TFEB: variants seen among roughly 807,000 people sequenced by gnomAD.
TFEB encodes T-cell transcription factor EB.
In TFEB, 12 loss-of-function variants were observed where a neutral mutation model predicts 48.0. That is an observed-to-expected ratio of 0.25 (90% CI 0.16 to 0.40). The LOEUF (loss-of-function observed/expected upper bound fraction) is 0.40. Among genes scored for constraint, TFEB ranks in the 10% least tolerant of loss-of-function variants. TFEB has a pLI of 1.00. For missense variants in TFEB, 509 were observed against 640.3 expected, an observed-to-expected ratio of 0.79 and a Z score of 2.21; for synonymous variants, 244 against 261.4, an observed-to-expected ratio of 0.93 and a Z score of 0.64.
At chr6:41,701,886 A>G (rs998652110) in intron 1 of TFEB, among the ~76,000 whole-genome samples, 1 of 151,452 alleles carries the variant, frequency 6.6e-6, no homozygotes, top group South Asian at 2.1e-4. Flanking sequence ...CAGAGGTTGT[A>G]ATGAGCTGAG....
intron 4 of TFEB, among the ~76,000 whole-genome samples, chr6:41,688,994 C>T (rs541647854): frequency 6.6e-6 from 1 of 152,334 alleles, no homozygotes; most frequent in East Asian, 1.9e-4. Context: ...ACCTGCCCAG[C>T]GTACACACCT....
At chr6:41,699,984 T>A (rs1223413130) in intron 1 of TFEB, among the ~76,000 whole-genome samples, 1 of 152,196 alleles carries the variant, frequency 6.6e-6, no homozygotes, top group East Asian at 1.9e-4. Flanking sequence ...AATGTCACCA[T>A]CACCCTGGCA....
chr6:41,695,152 C>G (rs7775136), intron 1 of TFEB, among the ~76,000 whole-genome samples: 82,377 of 152,118 alleles, frequency 0.54, 23,168 homozygotes, highest in African/African-American at 0.7. Context: ...GTCTTCCTCT[C>G]TAAAACGCAG....
intron 1 of TFEB, among the ~76,000 whole-genome samples, chr6:41,712,103 C>G (rs1205416585): frequency 6.6e-6 from 1 of 152,162 alleles, no homozygotes; most frequent in African/African-American, 2.4e-5. Flanking sequence ...ATGTACAGTG[C>G]AGGTAGAGCA....
intron 1 of TFEB, among the ~76,000 whole-genome samples, chr6:41,695,843 T>G (rs189409524): frequency 6.6e-6 from 1 of 152,012 alleles, no homozygotes; most frequent in African/African-American, 2.4e-5. Flanking sequence ...CTTCTGGGGG[T>G]TTATGGGGGG....
At chr6:41,690,110 A>T (rs1178833637) in intron 3 of TFEB, among the ~76,000 whole-genome samples, 3 of 150,228 alleles carry the variant, frequency 2.0e-5, no homozygotes, top group African/African-American at 7.3e-5. Context: ...GTTTCTCCCT[A>T]GCAGAGCTTT....
chr6:41,684,982 G>T lies in TFEB; in HGVS notation c.1048C>A (p.Leu350Met). Residue 350 changes from leucine to methionine, a missense_variant, in exon 9 of 9, where the codon CTG (leucine) becomes ATG (methionine). Around this residue, in one of 4 missense-constraint regions of TFEB, gnomAD observed 62 missense variants for 90.2 expected, o/e 0.69. Transcript: ENST00000373033. ...ELAQQVVKQE[L>M]PSEEGPGEAL... ...TCCCCTGGGCCCTCTTCGCTAGGCAGCTCCTGCTTCACCACCTGCTGGGCC... is the reference window on the plus strand; with the variant it reads ...TCCCCTGGGCCCTCTTCGCTAGGCATCTCCTGCTTCACCACCTGCTGGGCC... 6.4e-7 allele frequency: 1 copy of T among 1,572,056 alleles called. No homozygotes were observed. The highest frequency in any genetic ancestry group is 8.6e-7 in the Non-Finnish European group (1 of 1,159,092).
rs1049949315 is a variant in TFEB at position 41,735,559 on chromosome 6, G to A, written c.-232C>T. The A allele has an allele frequency of 1.0e-5, 10 of 984,566 alleles. No homozygotes were observed. The African/African-American group carries it at 1.6e-4, about 16-fold the overall frequency. 61.0% of individuals were successfully genotyped at this position (984,566 alleles called of 1,614,324 possible). ...GCGTCCCGCCCGGGCCGCCGCCTCCGCTGTCACCGAGCCCCGCGCCCGGCG... is the reference window on the plus strand; with the variant it reads ...GCGTCCCGCCCGGGCCGCCGCCTCCACTGTCACCGAGCCCCGCGCCCGGCG... On this transcript the variant is annotated 5_prime_UTR_variant, in exon 1 of 9. Transcript: ENST00000373033.
chr6:41,731,506 C>A (rs1771449246), intron 1 of TFEB, among the ~76,000 whole-genome samples: 1 of 150,488 alleles, frequency 6.6e-6, no homozygotes, highest in South Asian at 2.1e-4. Flanking sequence ...CTTCCTTTTT[C>A]TTCCTCCCCG....
chr6:41,695,593 T>C lies in TFEB; in HGVS notation c.-22-4358A>G, dbSNP rs528718281. Among the ~76,000 whole-genome samples, 22 of 152,290 alleles carry C rather than the reference T, an allele frequency of 1.4e-4. No homozygotes were observed. The South Asian group carries it at 4.6e-3, about 32-fold the overall frequency. The stretch of plus-strand genomic sequence containing the variant: ...GCTGATTAAGTAGCAGAATGGAGAT[T>C]TGATCCAGGCAGGCTGGCTCACAGC... On this transcript the variant is annotated intron_variant, in intron 1 of 8. Coordinates refer to ENST00000373033, the MANE Select transcript of TFEB (RefSeq NM_001271944.2).
In TFEB at chr6:41,735,378, C is replaced by G. The variant is rs1243289508; in HGVS notation, c.-51G>C. On this transcript the variant is annotated 5_prime_UTR_variant, in exon 1 of 9. Coordinates refer to ENST00000373033, the MANE Select transcript of TFEB (RefSeq NM_001271944.2). ...GCTCTGAAGGTCAATCTGTCCGCCG[C>G]CCGCGCCCCGCGGCTCCGGCAACTT... 1.0e-6 allele frequency: 1 copy of G among 985,756 alleles called. No individual in the cohort carries two copies. The allele number at this position is 985,756 out of a possible 1,614,324, so 61.1% of individuals were successfully genotyped here. A position where few individuals can be genotyped will look rare whatever the true frequency, so the allele number is the denominator to read the frequency against.
At chr6:41,731,306 G>T (rs1444051408) in intron 1 of TFEB, among the ~76,000 whole-genome samples, 1 of 152,042 alleles carries the variant, frequency 6.6e-6, no homozygotes, top group African/African-American at 2.4e-5. Flanking sequence ...TGGCCCCAGA[G>T]CCCACGTTCT....
chr6:41,692,090 TCCA>T (rs1769349505), intron 1 of TFEB, among the ~76,000 whole-genome samples: 1 of 152,162 alleles, frequency 6.6e-6, no homozygotes, highest in Non-Finnish European at 1.5e-5. Flanking sequence ...TACAAAGCCC[TCCA>T]CCACCACTTC....
At chr6:41,711,433 C>T (rs1227817769) in intron 1 of TFEB, among the ~76,000 whole-genome samples, 4 of 152,098 alleles carry the variant, frequency 2.6e-5, no homozygotes, top group South Asian at 2.1e-4. Context: ...GGAAAATGAG[C>T]GCCAGCAGAA....
chr6:41,684,528 G>A lies in TFEB; in HGVS notation c.*71C>T, dbSNP rs1768881882. ...TCACACACAGTGCAGCCTGAAGGGT[G>A]GGAGGGAGGTGCCCCTGGCCCTCCC... On this transcript the variant is annotated 3_prime_UTR_variant, in exon 9 of 9. Transcript: ENST00000373033. The A allele has an allele frequency of 1.3e-6, 2 of 1,490,738 alleles. No individual in the cohort carries two copies. Among genetic ancestry groups the A allele is most frequent in the Non-Finnish European group, 1.8e-6 (2 of 1,122,354 alleles). 92.3% of individuals were successfully genotyped at this position (1,490,738 alleles called of 1,614,324 possible).
chr6:41,695,159 G>A (rs1286415226), intron 1 of TFEB, among the ~76,000 whole-genome samples: 2 of 152,198 alleles, frequency 1.3e-5, no homozygotes, highest in African/African-American at 4.8e-5. Flanking sequence ...TCTCTAAAAC[G>A]CAGCACCTGC....
intron 1 of TFEB, among the ~76,000 whole-genome samples, chr6:41,719,718 G>A (rs1288726779): frequency 6.6e-6 from 1 of 152,172 alleles, no homozygotes; most frequent in Non-Finnish European, 1.5e-5. Flanking sequence ...TTTGAGGAAG[G>A]CACAGAGGAA....
chr6:41,698,773 G>T (rs1332408112), intron 1 of TFEB, among the ~76,000 whole-genome samples: 1 of 152,164 alleles, frequency 6.6e-6, no homozygotes, highest in Non-Finnish European at 1.5e-5. Context: ...GGCCTCCTAG[G>T]AACCTTTCAG....
chr6:41,714,178 TGTGTGCATGTGCATGCATGTGC>T (rs1561866751), intron 1 of TFEB, among the ~76,000 whole-genome samples: 2 of 149,544 alleles, frequency 1.3e-5, no homozygotes, highest in African/African-American at 5.1e-5. Flanking sequence ...TGTGTGCGTG[TGTGTGCATGTGCATGCATGTGC>T]GTGCATGTGC....
Sources: gnomAD v4.1 joint callset for allele counts (sites outside exome capture counted in the v4.1 genomes callset) on GRCh38, gnomAD v4.1.1 for gene constraint, gnomAD v4.1.1 regional missense constraint, MANE v1.5 for transcripts, NCBI Gene and HGNC (gene_info 2026-07-23, HGNC 2026-07-21) for gene names.